COLGALT2: variants seen among roughly 807,000 people sequenced by gnomAD.
COLGALT2 encodes procollagen galactosyltransferase 2.
A neutral mutation model predicts 73.4 loss-of-function variants in COLGALT2; 49 were observed. The observed-to-expected ratio is 0.67, with a 90% CI of 0.53 to 0.85. COLGALT2 has a LOEUF of 0.85. COLGALT2 is among the 40% of genes least tolerant of loss of function. COLGALT2 has a pLI of 0.00. For synonymous variants in COLGALT2, 295 were observed against 307.6 expected, an observed-to-expected ratio of 0.96 and a Z score of 0.43; for missense variants, 722 against 790.2, an observed-to-expected ratio of 0.91 and a Z score of 1.03.
At chr1:183,981,533 G>A (rs796721895) in intron 1 of COLGALT2, among the ~76,000 whole-genome samples, 76 of 151,736 alleles carry the variant, frequency 5.0e-4, no homozygotes, top group African/African-American at 1.6e-3. Context: ...GCACGTGCCT[G>A]TTAGTCCCAG....
chr1:183,950,769 C>T (rs745543583), intron 8 of COLGALT2, among the ~76,000 whole-genome samples: 1 of 152,214 alleles, frequency 6.6e-6, no homozygotes, highest in Non-Finnish European at 1.5e-5. Flanking sequence ...GGGACAATCA[C>T]ATCCAATGTG....
At chr1:184,024,511 C>T (rs183277173) in intron 1 of COLGALT2, among the ~76,000 whole-genome samples, 50 of 151,978 alleles carry the variant, frequency 3.3e-4, no homozygotes, top group African/African-American at 1.2e-3. Context: ...CATCACCACA[C>T]CCGGCTAATT....
At chr1:183,960,398 G>T (rs1490635531) in intron 6 of COLGALT2, among the ~76,000 whole-genome samples, 1 of 152,152 alleles carries the variant, frequency 6.6e-6, no homozygotes, top group Non-Finnish European at 1.5e-5. Context: ...TAGGACTTGA[G>T]GCTCTCCTGG....
At position 183,959,610 on chromosome 1, in the gene COLGALT2, C is replaced by T. The variant is rs189127575; in HGVS notation, c.952+4291G>A. On this transcript the variant is annotated intron_variant, in intron 6 of 11. Coordinates refer to ENST00000361927, the MANE Select transcript of COLGALT2 (RefSeq NM_015101.4). ...TCCTTGCTAGAGCTCACATCCCAAT[C>T]ACCATCATGTCCCACCAGGAGAGAG... Among the ~76,000 whole-genome samples, 383 of 152,118 alleles carry T rather than the reference C, an allele frequency of 2.5e-3. 1 individual carries two copies. Among genetic ancestry groups the T allele is most frequent in the African/African-American group, 8.5e-3 (352 of 41,494 alleles).
At chr1:184,006,629 G>A (rs1672094122) in intron 1 of COLGALT2, among the ~76,000 whole-genome samples, 1 of 144,466 alleles carries the variant, frequency 6.9e-6, no homozygotes, top group Non-Finnish European at 1.5e-5. Context: ...ATAATAAAAA[G>A]ATTATGAGGG....
At chr1:184,019,454 G>A (rs191542320) in intron 1 of COLGALT2, among the ~76,000 whole-genome samples, 1 of 152,266 alleles carries the variant, frequency 6.6e-6, no homozygotes. Flanking sequence ...GCCTGACAAA[G>A]TTCTCTGTTA....
Position 183,936,952 on chromosome 1 carries a change from G to A in COLGALT2, c.*1809C>T. Reference sequence around the variant, plus strand: ...AGTGGGGACCCGCCCCTCACCTGGGGAGATGAGGCTGCCTTGACTACCTAT... The same window carrying A: ...AGTGGGGACCCGCCCCTCACCTGGGAAGATGAGGCTGCCTTGACTACCTAT... On this transcript the variant is annotated 3_prime_UTR_variant, in exon 12 of 12. Coordinates refer to ENST00000361927, the MANE Select transcript of COLGALT2 (RefSeq NM_015101.4). 1 of 1,231,758 alleles carries A rather than the reference G, an allele frequency of 8.1e-7. No individual in the cohort carries two copies. Among genetic ancestry groups the A allele is most frequent in the Non-Finnish European group, 1.0e-6 (1 of 987,972 alleles). 76.3% of individuals were successfully genotyped at this position (1,231,758 alleles called of 1,614,324 possible).
chr1:183,948,893 T>C (rs1415056862), intron 8 of COLGALT2, among the ~76,000 whole-genome samples: 1 of 152,174 alleles, frequency 6.6e-6, no homozygotes, highest in Non-Finnish European at 1.5e-5. Flanking sequence ...GGTTGCAGGA[T>C]ACAGGATCAA....
intron 1 of COLGALT2, among the ~76,000 whole-genome samples, chr1:184,014,255 G>A (rs966040783): frequency 1.3e-5 from 2 of 152,180 alleles, no homozygotes; most frequent in African/African-American, 2.4e-5. Context: ...ATTGAGAAAT[G>A]AGTAAGCCAA....
intron 1 of COLGALT2, among the ~76,000 whole-genome samples, chr1:183,988,202 T>G (rs969484836): frequency 3.3e-5 from 5 of 152,186 alleles, no homozygotes; most frequent in African/African-American, 1.2e-4. Context: ...CCCAGTCTAA[T>G]ATCAAGAGAA....
At chr1:183,964,379 G>T in intron 5 of COLGALT2, 2 of 310,750 alleles carry the variant, frequency 6.4e-6, no homozygotes, top group Non-Finnish European at 1.2e-5. Flanking sequence ...TCCACCTACA[G>T]GAAATAACAA....
chr1:183,948,600 C>T (rs1266746108), intron 8 of COLGALT2, among the ~76,000 whole-genome samples: 1 of 152,140 alleles, frequency 6.6e-6, no homozygotes, highest in East Asian at 1.9e-4. Context: ...CTGTGAAAAA[C>T]CCACAATTAA....
At chr1:183,970,009 A>G (rs1670993092) in intron 4 of COLGALT2, among the ~76,000 whole-genome samples, 1 of 152,232 alleles carries the variant, frequency 6.6e-6, no homozygotes, top group African/African-American at 2.4e-5. Flanking sequence ...ACTGCCCAGC[A>G]CCAAGAATGT....
At chr1:184,013,339 C>A (rs1648873922) in intron 1 of COLGALT2, among the ~76,000 whole-genome samples, 2 of 152,110 alleles carry the variant, frequency 1.3e-5, no homozygotes, top group South Asian at 2.1e-4. Flanking sequence ...AACAAAACAG[C>A]ATTGTGGGAG....
At chr1:184,002,394 G>A (rs1671955127) in intron 1 of COLGALT2, among the ~76,000 whole-genome samples, 1 of 152,210 alleles carries the variant, frequency 6.6e-6, no homozygotes, top group Admixed American at 6.5e-5. Context: ...TACTGTGTGA[G>A]GAGTAGGAGG....
intron 2 of COLGALT2, among the ~76,000 whole-genome samples, chr1:183,977,772 A>G (rs1671239252): frequency 6.7e-6 from 1 of 150,096 alleles, no homozygotes; most frequent in Non-Finnish European, 1.5e-5. Context: ...CTGGGGTGAC[A>G]GAGTGAGACC....
chr1:183,959,092 A>G (rs1460839598), intron 6 of COLGALT2, among the ~76,000 whole-genome samples: 1 of 151,968 alleles, frequency 6.6e-6, no homozygotes, highest in South Asian at 2.1e-4. Flanking sequence ...CCAATGACCA[A>G]TTCTTTATCC....
intron 5 of COLGALT2, 63 bp from the exon 6 acceptor site, chr1:183,964,083 G>A (rs1207488273): frequency 6.3e-7 from 1 of 1,582,118 alleles, no homozygotes; most frequent in African/African-American, 1.3e-5. Context: ...TGACAAGCGA[G>A]GAGAAGGAAC....
chr1:183,993,627 C>G (rs1469766640), intron 1 of COLGALT2, among the ~76,000 whole-genome samples: 1 of 152,142 alleles, frequency 6.6e-6, no homozygotes, highest in African/African-American at 2.4e-5. Flanking sequence ...TTCCCCAGCC[C>G]CAGGTCAGGC....
Sources: allele counts gnomAD v4.1 joint callset (sites outside exome capture counted in the v4.1 genomes callset), GRCh38; gene constraint gnomAD v4.1.1; transcripts MANE v1.5; gene names NCBI Gene and HGNC (gene_info 2026-07-23, HGNC 2026-07-21).